Variants in TG observed in about 807,000 individuals in gnomAD.
TG encodes thyroid hormones.
Under a neutral mutation model 324.7 loss-of-function variants are expected in TG, and 270 were observed. That is an observed-to-expected ratio of 0.83 (90% CI 0.75 to 0.92). The LOEUF (loss-of-function observed/expected upper bound fraction) is 0.92, where lower values mean the gene tolerates loss of function less well. Among genes scored for constraint, TG ranks in the 40% least tolerant of loss-of-function variants. The probability of loss-of-function intolerance (pLI) is 0.00; values close to 1 mark genes in which losing one functional copy is unlikely to be tolerated. For synonymous variants in TG, 1,401 were observed against 1,327.0 expected, an observed-to-expected ratio of 1.06 and a Z score of -1.21; for missense variants, 3,591 against 3,456.4, an observed-to-expected ratio of 1.04 and a Z score of -0.98.
chr8:133,113,186 C>G (rs1433339361), intron 43 of TG, among the ~76,000 whole-genome samples: 1 of 152,174 alleles, frequency 6.6e-6, no homozygotes, highest in Non-Finnish European at 1.5e-5. Context: ...GTGGCAGGCA[C>G]TCCCATTTTC....
At chr8:132,917,384 GTA>G (rs1175256718) in intron 20 of TG, among the ~76,000 whole-genome samples, 1 of 124,142 alleles carries the variant, frequency 8.1e-6, no homozygotes, top group African/African-American at 2.5e-5. Flanking sequence ...GTTTGTGCAT[GTA>G]TATGTGTGTG....
At chr8:132,904,093 G>C (rs1020212042) in intron 16 of TG, among the ~76,000 whole-genome samples, 1 of 152,180 alleles carries the variant, frequency 6.6e-6, no homozygotes, top group African/African-American at 2.4e-5. Flanking sequence ...ACACTTCCTG[G>C]TGTTGGGCTT....
In TG at chr8:133,013,777, C is replaced by G. The variant is rs752795622; in HGVS notation, c.6562+13C>G. On this transcript the variant is annotated intron_variant, in intron 37 of 47. Transcript: ENST00000220616. The stretch of plus-strand genomic sequence containing the variant: ...TACCGGAAGCCAGGTAAGCCCAAGC[C>G]TATGCCTTTGCAGCCATCCTGGGAA... The G allele has an allele frequency of 6.2e-7, 1 of 1,606,544 alleles. No individual in the cohort carries two copies. The highest frequency in any genetic ancestry group is 1.3e-5 in the African/African-American group (1 of 74,906).
At chr8:133,083,837 A>G (rs146118639) in intron 41 of TG, among the ~76,000 whole-genome samples, 12 of 152,278 alleles carry the variant, frequency 7.9e-5, no homozygotes, top group Middle Eastern at 3.4e-3. Context: ...TGCCCCGTCC[A>G]GGTTCTAGTG....
At chr8:133,003,988 A>G (rs1376219814) in intron 35 of TG, among the ~76,000 whole-genome samples, 1 of 152,242 alleles carries the variant, frequency 6.6e-6, no homozygotes, top group African/African-American at 2.4e-5. Context: ...GTACCATTAG[A>G]TGGAACCAGT....
At chr8:132,917,039 C>T (rs71512330) in intron 20 of TG, among the ~76,000 whole-genome samples, 4,188 of 57,746 alleles carry the variant, frequency 0.073, 218 homozygotes, top group African/African-American at 0.12. Context: ...CCCTCCCTCC[C>T]TCCCTCCTTC....
intron 22 of TG, among the ~76,000 whole-genome samples, chr8:132,924,203 A>T (rs779892886): frequency 6.6e-6 from 1 of 151,916 alleles, no homozygotes; most frequent in Non-Finnish European, 1.5e-5. Flanking sequence ...TAGATCCCTC[A>T]CATGCACAGT....
At position 133,024,383 on chromosome 8, in the gene TG, T is replaced by TTTCC. The variant is rs1564084453; in HGVS notation, c.7036+2236_7036+2237insCTTC. Among the ~76,000 whole-genome samples the TTTCC allele has an allele frequency of 1.2e-3, 118 of 96,820 alleles. 2 individuals are homozygous for TTTCC. The highest frequency in any genetic ancestry group is 5.6e-3 in the African/African-American group (113 of 20,262). The allele number at this position is 96,820 out of a possible 152,430, so 63.5% of individuals were successfully genotyped here. A position where few individuals can be genotyped will look rare whatever the true frequency, so the allele number is the denominator to read the frequency against. ...CTTTCTTTCTTTCTTTCTTTCTTTC[T>TTTCC]TTCTTTCTTTTTCTTTTTTTAATTT... On this transcript the variant is annotated intron_variant, in intron 40 of 47. Transcript: ENST00000220616.
In TG at chr8:133,095,145, C is replaced by A. The variant is rs1444653329; in HGVS notation, c.7341C>A (p.Ser2447Arg). The change falls in exon 42 of 48, where the codon AGC (serine) becomes AGA (arginine). Residue 2447 changes from serine (S) to arginine (R), a missense_variant. Physicochemically the swap from Ser to Arg is moderately radical, Grantham distance 110. Transcript: ENST00000220616. Reference sequence around the variant, plus strand: ...AGGTCAGTTGCCCCATGTCATCCAGCCAAGAAGTGGTGTCCTGCCTCCGCC... The same window carrying A: ...AGGTCAGTTGCCCCATGTCATCCAGACAAGAAGTGGTGTCCTGCCTCCGCC... Reference protein sequence around the residue: ...AKEVSCPMSSSQEVVSCLRQK... With the variant: ...AKEVSCPMSSRQEVVSCLRQK... 1 of 1,614,208 alleles carries A rather than the reference C, an allele frequency of 6.2e-7. No homozygotes were observed. The highest frequency in any genetic ancestry group is 8.5e-7 in the Non-Finnish European group (1 of 1,180,030).
chr8:132,981,201 C>T (rs3847174), intron 34 of TG, among the ~76,000 whole-genome samples: 89,138 of 152,110 alleles, frequency 0.59, 27,428 homozygotes, highest in African/African-American at 0.73. Flanking sequence ...GACTGTGTGG[C>T]AAATGCTCTG....
At chr8:132,870,635 T>C (rs1839400930) in intron 3 of TG, among the ~76,000 whole-genome samples, 1 of 151,940 alleles carries the variant, frequency 6.6e-6, no homozygotes, top group African/African-American at 2.4e-5. Flanking sequence ...AGAAAAGAGA[T>C]GTGTTTGGCT....
intron 40 of TG, among the ~76,000 whole-genome samples, chr8:133,029,347 G>A (rs1342276746): frequency 6.6e-6 from 1 of 151,742 alleles, no homozygotes; most frequent in Non-Finnish European, 1.5e-5. Context: ...TGAGGGGAAG[G>A]GTGGGATCCA....
chr8:133,132,468 G>A (rs963541293), intron 46 of TG, among the ~76,000 whole-genome samples: 5 of 152,162 alleles, frequency 3.3e-5, no homozygotes, highest in Admixed American at 2.0e-4. Flanking sequence ...TTCACCTTGA[G>A]GCTCTTCCTC....
At chr8:133,049,907 G>T in intron 41 of TG, 1 of 1,604,584 alleles carries the variant, frequency 6.2e-7, no homozygotes, top group Non-Finnish European at 8.5e-7. Flanking sequence ...CTCACCCATG[G>T]TAAACTCTGG....
intron 43 of TG, among the ~76,000 whole-genome samples, chr8:133,101,547 T>A (rs543242163): frequency 1.9e-4 from 29 of 151,906 alleles, no homozygotes; most frequent in South Asian, 1.3e-3. Flanking sequence ...TCCTGCCCCA[T>A]CTGGGGCTGA....
intron 18 of TG, among the ~76,000 whole-genome samples, chr8:132,908,808 G>GT (rs1414366611): frequency 2.0e-5 from 3 of 152,128 alleles, no homozygotes; most frequent in Non-Finnish European, 4.4e-5. Context: ...GATGAGAGGG[G>GT]TTTTTTACAG....
chr8:132,933,754 C>G, intron 24 of TG, 78 bp downstream of exon 24: 1 of 1,335,714 alleles, frequency 7.5e-7, no homozygotes, highest in South Asian at 1.2e-5. Flanking sequence ...GGGCAGCAGG[C>G]TGGCCAGGCG....
At chr8:132,943,533 G>GCTCTCCAC (rs1824779303) in intron 26 of TG, among the ~76,000 whole-genome samples, 1 of 152,094 alleles carries the variant, frequency 6.6e-6, no homozygotes, top group African/African-American at 2.4e-5. Context: ...CCTCCTCCCT[G>GCTCTCCAC]CTCTCCACCT....
rs1157601787 is a variant in TG at position 132,901,378 on chromosome 8, G to C, written c.3459G>C (p.Lys1153Asn). The change falls in exon 16 of 48, where the codon AAG (lysine) becomes AAC (asparagine). Residue 1153 changes from lysine to asparagine, a missense_variant. By Grantham distance (94) the Lys-to-Asn change is moderately conservative. Coordinates refer to ENST00000220616, the MANE Select transcript of TG (RefSeq NM_003235.5). ...GCCCAAGCCTCTGCAATGTGCTCAA[G>C]AGTGGAGTCCTCTCCAGGAGAGTCA... Reference protein sequence around the residue: ...AQCPSLCNVLKSGVLSRRVSP... With the variant: ...AQCPSLCNVLNSGVLSRRVSP... 1 of 1,614,208 alleles carries C rather than the reference G, an allele frequency of 6.2e-7. No individual in the cohort carries two copies. Among genetic ancestry groups the C allele is most frequent in the South Asian group, 1.1e-5 (1 of 91,092 alleles).
Sources: allele counts gnomAD v4.1 joint callset (sites outside exome capture counted in the v4.1 genomes callset), GRCh38; gene constraint gnomAD v4.1.1; transcripts MANE v1.5; gene names NCBI Gene and HGNC (gene_info 2026-07-23, HGNC 2026-07-21).